Variants in PPIB observed in about 807,000 individuals in gnomAD.
The protein encoded by PPIB is peptidyl-prolyl cis-trans isomerase B.
Under a neutral mutation model 20.1 loss-of-function variants are expected in PPIB, and 15 were observed. That is an observed-to-expected ratio of 0.75 (90% CI 0.50 to 1.15). PPIB has a LOEUF of 1.15. PPIB is among the 50% of genes most tolerant of loss of function. The pLI, the probability that PPIB is intolerant of heterozygous loss-of-function variation, is 0.00. For missense variants in PPIB, 278 were observed against 283.0 expected (o/e 0.98, Z 0.13); for synonymous variants, 129 against 111.0 (o/e 1.16, Z -1.02).
chr15:64,159,985 T>A lies in PPIB; in HGVS notation c.343+119A>T. 1.1e-6 allele frequency: 1 copy of A among 874,538 alleles called. No homozygotes were observed. The highest frequency in any genetic ancestry group is 2.5e-5 in the East Asian group (1 of 39,640). 54.2% of individuals were successfully genotyped at this position (874,538 alleles called of 1,614,324 possible). The stretch of plus-strand genomic sequence containing the variant: ...CGCTGGTCTCAAAGTAGGTAAGTAA[T>A]AAGTAGGCCTGCCTCTAGAGCTGGG... On this transcript the variant is annotated intron_variant, in intron 3 of 4. Coordinates refer to ENST00000300026, the MANE Select transcript of PPIB (RefSeq NM_000942.5). The surrounding 1 kb of genome is among the most constrained non-coding windows in gnomAD (Gnocchi z 5.1).
rs2140182377 is a variant in PPIB at position 64,158,479 on chromosome 15, T to G, written c.344-1570A>C. Among the ~76,000 whole-genome samples, 2 of 152,176 alleles carry G rather than the reference T, an allele frequency of 1.3e-5. 1 individual carries two copies. The highest frequency in any genetic ancestry group is 4.1e-4 in the South Asian group (2 of 4,822). ...TGCTCTCAGCCACCTCAGGATCAGG[T>G]CCAAATCTCCCTGCCCAGGGTCAGT... is the stretch of plus-strand genomic sequence containing the variant. On this transcript the variant is annotated intron_variant, in intron 3 of 4. Coordinates refer to ENST00000300026, the MANE Select transcript of PPIB (RefSeq NM_000942.5). This position sits in a 1 kb window ranked among gnomAD's most constrained non-coding sequence, Gnocchi z 4.7.
chr15:64,156,353 G>A lies in PPIB; in HGVS notation c.529-208C>T. 1.4e-6 allele frequency: 1 copy of A among 726,666 alleles called. No individual in the cohort carries two copies. Among genetic ancestry groups the A allele is most frequent in the Non-Finnish European group, 2.3e-6 (1 of 429,108 alleles). 45.0% of individuals were successfully genotyped at this position (726,666 alleles called of 1,614,324 possible). A position where few individuals can be genotyped will look rare whatever the true frequency, so the allele number is the denominator to read the frequency against. ...GGGGGTACAGGAATTTTGTTCCTTT[G>A]AAGTAAGACCCAGGTTGGGCCAAGG... On this transcript the variant is annotated intron_variant, in intron 4 of 4. Transcript: ENST00000300026. This position sits in a 1 kb window ranked among gnomAD's most constrained non-coding sequence, Gnocchi z 6.4.
At position 64,157,182 on chromosome 15, in the gene PPIB, C is replaced by T. The variant is rs542159968; in HGVS notation, c.344-273G>A. The T allele has an allele frequency of 1.4e-5, 7 of 515,502 alleles. No homozygotes were observed. Among genetic ancestry groups the T allele is most frequent in the Admixed American group, 1.3e-4 (4 of 30,752 alleles). The allele number at this position is 515,502 out of a possible 1,614,324, so 31.9% of individuals were successfully genotyped here. The stretch of plus-strand genomic sequence containing the variant: ...ATAGTTTTGTGGCTTTTAAATAAGG[C>T]GCATGTTATCAGCTCCCCTTAGCTA... On this transcript the variant is annotated intron_variant, in intron 3 of 4. Transcript: ENST00000300026. This position sits in a 1 kb window ranked among gnomAD's most constrained non-coding sequence, Gnocchi z 4.2.
chr15:64,156,014 C>T lies in PPIB; in HGVS notation c.*9G>A. ...CAGACGGTCACTCAAAGAAAGATGTCCCTGTGCCCTACTCCTTGGCGATGG... is the reference window on the plus strand; with the variant it reads ...CAGACGGTCACTCAAAGAAAGATGTTCCTGTGCCCTACTCCTTGGCGATGG... On this transcript the variant is annotated 3_prime_UTR_variant, in exon 5 of 5. Coordinates refer to ENST00000300026, the MANE Select transcript of PPIB (RefSeq NM_000942.5). The surrounding 1 kb of genome is among the most constrained non-coding windows in gnomAD (Gnocchi z 6.4). 1 of 1,614,176 alleles carries T rather than the reference C, an allele frequency of 6.2e-7. No individual in the cohort carries two copies. The highest frequency in any genetic ancestry group is 8.5e-7 in the Non-Finnish European group (1 of 1,180,028).
At position 64,158,462 on chromosome 15, in the gene PPIB, G is replaced by T. The variant is rs911454757; in HGVS notation, c.344-1553C>A. On this transcript the variant is annotated intron_variant, in intron 3 of 4. Coordinates refer to ENST00000300026, the MANE Select transcript of PPIB (RefSeq NM_000942.5). The surrounding 1 kb of genome is among the most constrained non-coding windows in gnomAD (Gnocchi z 4.7). ...GTCTGCTCTCGAATCTCTGCTCTCA[G>T]CCACCTCAGGATCAGGTCCAAATCT... 9.2e-5 allele frequency among the ~76,000 whole-genome samples: 14 copies of T among 152,182 alleles called. No homozygotes were observed. The highest frequency in any genetic ancestry group is 3.4e-4 in the African/African-American group (14 of 41,428).
rs2081551752 is a variant in PPIB at position 64,159,229 on chromosome 15, A to C, written c.343+875T>G. 6.6e-6 allele frequency: 1 copy of C among 152,258 alleles called. No homozygotes were observed. Among genetic ancestry groups the C allele is most frequent in the Non-Finnish European group, 1.5e-5 (1 of 68,106 alleles). The allele number at this position is 152,258 out of a possible 1,614,324, so 9.4% of individuals were successfully genotyped here. On this transcript the variant is annotated intron_variant, in intron 3 of 4. Transcript: ENST00000300026. This position sits in a 1 kb window ranked among gnomAD's most constrained non-coding sequence, Gnocchi z 5.1. ...CACAGAGCCCCATAGACACTCATCG[A>C]GGAGTGAGCTGTGTTCTAAGGGAGC... is the stretch of plus-strand genomic sequence containing the variant.
In PPIB at chr15:64,156,843, C is replaced by G; in HGVS notation, c.410G>C (p.Trp137Ser). 6.2e-7 allele frequency: 1 copy of G among 1,614,214 alleles called. No homozygotes were observed. ...NFKLKHYGPG[W>S]VSMANAGKDT... The stretch of plus-strand genomic sequence containing the variant: ...TTTGCCTGCGTTGGCCATGCTCACC[C>G]AGCCAGGCCCGTAGTGCTTCAGTTT... The change falls in exon 4 of 5, where the codon TGG (tryptophan) becomes TCG (serine). Residue 137 changes from tryptophan to serine, a missense_variant. Trp to Ser is a radical substitution (Grantham distance 177, BLOSUM62 -3). Transcript: ENST00000300026. The surrounding 1 kb of genome is among the most constrained non-coding windows in gnomAD (Gnocchi z 6.4).
rs750290728 is a variant in PPIB at position 64,162,987 on chromosome 15, C to T, written c.-1G>A. 3 of 1,612,938 alleles carry T rather than the reference C, an allele frequency of 1.9e-6. No individual in the cohort carries two copies. The highest frequency in any genetic ancestry group is 1.7e-6 in the Non-Finnish European group (2 of 1,179,726). Reference sequence around the variant, plus strand: ...TGTTGCGTTCGGAGAGGCGCAGCATCCACAGGCGGAGGCGAAAGCAGCCCG... The same window carrying T: ...TGTTGCGTTCGGAGAGGCGCAGCATTCACAGGCGGAGGCGAAAGCAGCCCG... On this transcript the variant is annotated 5_prime_UTR_variant, in exon 1 of 5. Coordinates refer to ENST00000300026, the MANE Select transcript of PPIB (RefSeq NM_000942.5).
chr15:64,162,931 G>C lies in PPIB; in HGVS notation c.56C>G (p.Ala19Gly), dbSNP rs537654261. ...CAGCAGCAGGAAGAAGACGGACCCC[G>C]CGATGAGGGCGGCGGCAAGGAGCAC... The part of the protein sequence containing the change: ...MKVLLAAALI[A>G]GSVFFLLLPG... The change falls in exon 1 of 5, where the codon GCG (alanine) becomes GGG (glycine). Residue 19 changes from alanine to glycine, a missense_variant. Coordinates refer to ENST00000300026, the MANE Select transcript of PPIB (RefSeq NM_000942.5). 4 of 1,613,560 alleles carry C rather than the reference G, an allele frequency of 2.5e-6. No homozygotes were observed. The highest frequency in any genetic ancestry group is 3.4e-6 in the Non-Finnish European group (4 of 1,179,870).
At position 64,156,914 on chromosome 15, in the gene PPIB, GA is replaced by G; in HGVS notation, c.344-6del. The G allele has an allele frequency of 1.2e-6, 2 of 1,613,924 alleles. No homozygotes were observed. Among genetic ancestry groups the G allele is most frequent in the South Asian group, 1.1e-5 (1 of 91,074 alleles). Reference sequence around the variant, plus strand: ...GCTCACCGTAGATGCTCTTTCCTGGGAAAAAAGACAGAGCAGGTCAGGGGCG... The same window carrying G: ...GCTCACCGTAGATGCTCTTTCCTGGGAAAAAGACAGAGCAGGTCAGGGGCG... On this transcript the variant is annotated splice_region_variant and splice_polypyrimidine_tract_variant and intron_variant, in intron 3 of 4. Coordinates refer to ENST00000300026, the MANE Select transcript of PPIB (RefSeq NM_000942.5). This position sits in a 1 kb window ranked among gnomAD's most constrained non-coding sequence, Gnocchi z 6.4.
rs937432248 is a variant in PPIB at position 64,158,961 on chromosome 15, C to T, written c.343+1143G>A. Among the ~76,000 whole-genome samples, 1 of 152,212 alleles carries T rather than the reference C, an allele frequency of 6.6e-6. No homozygotes were observed. The highest frequency in any genetic ancestry group is 1.5e-5 in the Non-Finnish European group (1 of 68,050). The stretch of plus-strand genomic sequence containing the variant: ...AATCCTCATGGCCCCACAACTCTCT[C>T]CACCCTCACTGTACAGAACAGGAAA... On this transcript the variant is annotated intron_variant, in intron 3 of 4. Coordinates refer to ENST00000300026, the MANE Select transcript of PPIB (RefSeq NM_000942.5). The surrounding 1 kb of genome is among the most constrained non-coding windows in gnomAD (Gnocchi z 4.7).
At position 64,156,978 on chromosome 15, in the gene PPIB, G is replaced by A. The variant is rs986525053; in HGVS notation, c.344-69C>T. Reference sequence around the variant, plus strand: ...AAACCAAGCAGACATTCGGGGCCAGGACTGAGGGGGCTTAACCTGTCCTCT... The same window carrying A: ...AAACCAAGCAGACATTCGGGGCCAGAACTGAGGGGGCTTAACCTGTCCTCT... On this transcript the variant is annotated intron_variant, in intron 3 of 4. Coordinates refer to ENST00000300026, the MANE Select transcript of PPIB (RefSeq NM_000942.5). This position sits in a 1 kb window ranked among gnomAD's most constrained non-coding sequence, Gnocchi z 6.4. 10 of 1,513,178 alleles carry A rather than the reference G, an allele frequency of 6.6e-6. No individual in the cohort carries two copies. Among genetic ancestry groups the A allele is most frequent in the Non-Finnish European group, 8.2e-6 (9 of 1,097,164 alleles). 93.7% of individuals were successfully genotyped at this position (1,513,178 alleles called of 1,614,324 possible).
chr15:64,159,769 CAT>C lies in PPIB; in HGVS notation c.343+333_343+334del, dbSNP rs112726573. 3.5e-5 allele frequency: 15 copies of C among 422,898 alleles called. No homozygotes were observed. Among genetic ancestry groups the C allele is most frequent in the South Asian group, 1.3e-4 (6 of 45,578 alleles). 26.2% of individuals were successfully genotyped at this position (422,898 alleles called of 1,614,324 possible). A position where few individuals can be genotyped will look rare whatever the true frequency, so the allele number is the denominator to read the frequency against. ...CATCTGACCTAGAATCGCGTACCCA[CAT>C]GTCTTCACTTTGCTTCCACACGCCT... On this transcript the variant is annotated intron_variant, in intron 3 of 4. Transcript: ENST00000300026. This position sits in a 1 kb window ranked among gnomAD's most constrained non-coding sequence, Gnocchi z 5.1.
At position 64,162,997 on chromosome 15, in the gene PPIB, A is replaced by G; in HGVS notation, c.-11T>C. ...GGAGAGGCGCAGCATCCACAGGCGGAGGCGAAAGCAGCCCGGACAGCTGAG... is the reference window on the plus strand; with the variant it reads ...GGAGAGGCGCAGCATCCACAGGCGGGGGCGAAAGCAGCCCGGACAGCTGAG... On this transcript the variant is annotated 5_prime_UTR_variant, in exon 1 of 5. Coordinates refer to ENST00000300026, the MANE Select transcript of PPIB (RefSeq NM_000942.5). 1 of 1,586,742 alleles carries G rather than the reference A, an allele frequency of 6.3e-7. No individual in the cohort carries two copies. The highest frequency in any genetic ancestry group is 8.6e-7 in the Non-Finnish European group (1 of 1,162,792).
chr15:64,155,943 G>T lies in PPIB; in HGVS notation c.*80C>A. 6.2e-7 allele frequency: 1 copy of T among 1,606,420 alleles called. No homozygotes were observed. Among genetic ancestry groups the T allele is most frequent in the Non-Finnish European group, 8.5e-7 (1 of 1,175,692 alleles). ...GTCCGCTCCACCAGATGCCAGCACC[G>T]GGGCCAGTGCAGCTCAGAGCCCTGT... On this transcript the variant is annotated 3_prime_UTR_variant, in exon 5 of 5. Coordinates refer to ENST00000300026, the MANE Select transcript of PPIB (RefSeq NM_000942.5).
Position 64,155,820 on chromosome 15 carries a change from T to TTAA in PPIB, c.*202_*203insTTA. 21 of 531,922 alleles carry TTAA rather than the reference T, an allele frequency of 3.9e-5. No individual in the cohort carries two copies. The highest frequency in any genetic ancestry group is 5.1e-5 in the Non-Finnish European group (16 of 310,842). 33.0% of individuals were successfully genotyped at this position (531,922 alleles called of 1,614,324 possible). ...AGAACCAGGCCCACACATTATATAT[T>TTAA]AAAAAAAAAAAAACCCACATTTTTT... On this transcript the variant is annotated 3_prime_UTR_variant, in exon 5 of 5. Coordinates refer to ENST00000300026, the MANE Select transcript of PPIB (RefSeq NM_000942.5).
rs148644836 is a variant in PPIB at position 64,162,963 on chromosome 15, G to A, written c.24C>T (p.Asn8=). 55 of 1,613,446 alleles carry A rather than the reference G, an allele frequency of 3.4e-5. No individual in the cohort carries two copies. In the South Asian group the frequency reaches 3.5e-4, roughly 10 times the overall value. The part of the protein sequence containing the change: MLRLSER[N]MKVLLAAALI... ...GGGCGGCGGCAAGGAGCACCTTCAT[G>A]TTGCGTTCGGAGAGGCGCAGCATCC... The change falls in exon 1 of 5, where the codon AAC becomes AAT. Residue 8 remains asparagine, a synonymous_variant. Coordinates refer to ENST00000300026, the MANE Select transcript of PPIB (RefSeq NM_000942.5).
Position 64,156,137 on chromosome 15 carries a change from C to A in PPIB, c.537G>T (p.Val179=). Residue 179 remains valine (V), a synonymous_variant, in exon 5 of 5, where the codon GTG becomes GTT. Transcript: ENST00000300026. The surrounding 1 kb of genome is among the most constrained non-coding windows in gnomAD (Gnocchi z 6.4). ...CTGTCTTGGTGCTCTCCACCTTCCG[C>A]ACCACCTCCTGGAAAAGAAAGGTGG... ...FGKVLEGMEV[V]RKVESTKTDS... is the part of the protein sequence containing the mutation. The A allele has an allele frequency of 6.2e-7, 1 of 1,614,156 alleles. No individual in the cohort carries two copies. Among genetic ancestry groups the A allele is most frequent in the Non-Finnish European group, 8.5e-7 (1 of 1,180,030 alleles).
In PPIB at chr15:64,162,928, C is replaced by T. The variant is rs1293850725; in HGVS notation, c.59G>A (p.Gly20Glu). 7 of 1,613,444 alleles carry T rather than the reference C, an allele frequency of 4.3e-6. No homozygotes were observed. Among genetic ancestry groups the T allele is most frequent in the African/African-American group, 1.3e-5 (1 of 74,942 alleles). The change falls in exon 1 of 5, where the codon GGG becomes GAG. Residue 20 changes from glycine to glutamate, a missense_variant. Coordinates refer to ENST00000300026, the MANE Select transcript of PPIB (RefSeq NM_000942.5). ...KVLLAAALIA[G>E]SVFFLLLPGP... ...CGGCAGCAGCAGGAAGAAGACGGAC[C>T]CCGCGATGAGGGCGGCGGCAAGGAG...
Sources: allele counts gnomAD v4.1 joint callset (sites outside exome capture counted in the v4.1 genomes callset), GRCh38; gene constraint gnomAD v4.1.1; non-coding constraint Gnocchi (gnomAD v3.1); transcripts MANE v1.5; gene names NCBI Gene and HGNC (gene_info 2026-07-23, HGNC 2026-07-21).